TENM2: variants seen among roughly 807,000 people sequenced by gnomAD.
TENM2 encodes teneurin transmembrane protein 2.
A neutral mutation model predicts 245.2 loss-of-function variants in TENM2; 52 were observed. The ratio of observed to expected loss-of-function variants is 0.21; its 90% CI spans 0.17 to 0.27. TENM2 has a LOEUF of 0.27. TENM2 is among the 10% of genes least tolerant of loss of function. TENM2 has a pLI of 1.00. For missense variants in TENM2, 3,046 were observed against 3,666.8 expected (o/e 0.83, Z 4.37); for synonymous variants, 1,363 against 1,438.9 (o/e 0.95, Z 1.19).
intron 2 of TENM2, among the ~76,000 whole-genome samples, chr5:167,626,622 T>A (rs1270687322): frequency 6.6e-6 from 1 of 152,210 alleles, no homozygotes; most frequent in Non-Finnish European, 1.5e-5. Context: ...GGGAATTGTG[T>A]GCTTTTTTAA....
chr5:167,143,358 G>A, the TENM2 span, among the ~76,000 whole-genome samples: 1 of 152,116 alleles, frequency 6.6e-6, no homozygotes, highest in African/African-American at 2.4e-5. Context: ...GCAGTAGTGG[G>A]GATCATTAAT....
intron 2 of TENM2, among the ~76,000 whole-genome samples, chr5:167,528,583 G>A (rs1771276316): frequency 6.6e-6 from 1 of 152,120 alleles, no homozygotes; most frequent in African/African-American, 2.4e-5. Context: ...TAAGTGAGCT[G>A]GGATTCAAGT....
intron 25 of TENM2, among the ~76,000 whole-genome samples, chr5:168,243,219 A>G (rs978341695): frequency 7.9e-5 from 12 of 152,174 alleles, no homozygotes; most frequent in African/African-American, 2.9e-4. Context: ...GGCTAGCTGA[A>G]TCTCAGGAGC....
chr5:167,545,875 C>T (rs1439363383), intron 2 of TENM2, among the ~76,000 whole-genome samples: 2 of 152,192 alleles, frequency 1.3e-5, no homozygotes, highest in African/African-American at 2.4e-5. Flanking sequence ...ACAGGCCATA[C>T]ATACAAATGA....
intron 2 of TENM2, among the ~76,000 whole-genome samples, chr5:167,642,158 A>ATG (rs993607087): frequency 7.0e-6 from 1 of 143,030 alleles, no homozygotes; most frequent in African/African-American, 2.6e-5. Context: ...AAAAAAAAAT[A>ATG]TGTATATATA....
intron 2 of TENM2, among the ~76,000 whole-genome samples, chr5:167,512,959 C>T (rs186004695): frequency 6.6e-6 from 1 of 152,070 alleles, no homozygotes; most frequent in East Asian, 1.9e-4. Flanking sequence ...GATTAGTACA[C>T]GAATAAAGGA....
At chr5:167,976,743 A>T (rs1388206367) in intron 4 of TENM2, among the ~76,000 whole-genome samples, 2 of 152,220 alleles carry the variant, frequency 1.3e-5, no homozygotes, top group Non-Finnish European at 2.9e-5. Context: ...GTACATAAGT[A>T]CTGTTTATAA....
At position 167,442,141 on chromosome 5, in the gene TENM2, A is replaced by G. The variant is rs571677802; in HGVS notation, c.502+66668A>G. The stretch of plus-strand genomic sequence containing the variant: ...ACCCAGGCCCCTTCCTCCCCTTTCA[A>G]TGGGAAATTATTTTAATAAATTTTT... On this transcript the variant is annotated intron_variant, in intron 2 of 28. Transcript: ENST00000518659. Among the ~76,000 whole-genome samples the G allele has an allele frequency of 2.1e-4, 32 of 152,238 alleles. No individual in the cohort carries two copies. The South Asian group carries it at 2.9e-3, about 14-fold the overall frequency.
rs78002605 is a variant in TENM2, at chr5:167,289,768, A to G, written c.226+4705A>G. ...CTAGTAAGCTAGAGTATTACCTGCA[A>G]TGATTCAATTAACTTATATAATAAT... is the stretch of plus-strand genomic sequence containing the variant. On this transcript the variant is annotated intron_variant, in intron 1 of 28. Coordinates refer to ENST00000518659, the Ensembl canonical transcript of TENM2. Among the ~76,000 whole-genome samples, 946 of 152,350 alleles carry G rather than the reference A, an allele frequency of 6.2e-3. 9 individuals are homozygous for G. Among genetic ancestry groups the G allele is most frequent in the African/African-American group, 0.021 (873 of 41,576 alleles).
At chr5:167,893,633 G>GT (rs1422354654) in intron 3 of TENM2, among the ~76,000 whole-genome samples, 2,532 of 139,092 alleles carry the variant, frequency 0.018, 24 homozygotes, top group Middle Eastern at 0.048. Context: ...TTTTTTTGTT[G>GT]TTTTTTTTTT....
chr5:167,038,286 A>G, the TENM2 span, among the ~76,000 whole-genome samples: 1 of 152,172 alleles, frequency 6.6e-6, no homozygotes, highest in Admixed American at 6.5e-5. Context: ...TTTGTAACCT[A>G]TATCTGTTAT....
At chr5:167,907,524 A>AAT (rs56159044) in intron 3 of TENM2, among the ~76,000 whole-genome samples, 949 of 77,994 alleles carry the variant, frequency 0.012, 18 homozygotes, top group Non-Finnish European at 0.018. Context: ...GATCACCCTA[A>AAT]ATATATATAT....
intron 2 of TENM2, among the ~76,000 whole-genome samples, chr5:167,807,352 A>G (rs1469827735): frequency 6.6e-6 from 1 of 151,942 alleles, no homozygotes; most frequent in Non-Finnish European, 1.5e-5. Flanking sequence ...ACAGAGATGA[A>G]CATGCTAATA....
intron 2 of TENM2, among the ~76,000 whole-genome samples, chr5:167,860,562 AC>A (rs1244871285): frequency 2.3e-4 from 26 of 114,208 alleles, no homozygotes; most frequent in African/African-American, 9.2e-4. Flanking sequence ...CTCATTGAGA[AC>A]GGGCCAGGAT....
the TENM2 span, among the ~76,000 whole-genome samples, chr5:167,169,818 C>T: frequency 6.6e-6 from 1 of 152,136 alleles, no homozygotes; most frequent in Non-Finnish European, 1.5e-5. Flanking sequence ...TTGTTCCATG[C>T]ATTTGTTTGA....
chr5:167,558,665 A>C (rs1014701505), intron 2 of TENM2, among the ~76,000 whole-genome samples: 1 of 152,168 alleles, frequency 6.6e-6, no homozygotes, highest in Non-Finnish European at 1.5e-5. Flanking sequence ...CCCTGATGGG[A>C]CCATCTAGTT....
chr5:167,752,720 T>TAGTCAC (rs1762041924), intron 2 of TENM2, among the ~76,000 whole-genome samples: 1 of 152,230 alleles, frequency 6.6e-6, no homozygotes, highest in Non-Finnish European at 1.5e-5. Flanking sequence ...TGAGCGTGGC[T>TAGTCAC]AGTCACCTAA....
chr5:167,740,168 G>C (rs190765084), intron 2 of TENM2, among the ~76,000 whole-genome samples: 66 of 152,252 alleles, frequency 4.3e-4, no homozygotes, highest in Middle Eastern at 3.4e-3. Flanking sequence ...CTTTGCCCAA[G>C]AAATCACCTC....
chr5:167,834,897 G>A (rs752026534), intron 2 of TENM2, among the ~76,000 whole-genome samples: 16 of 152,034 alleles, frequency 1.1e-4, no homozygotes, highest in South Asian at 2.1e-4. Context: ...TGATCCGCCC[G>A]CCTCGGCCTC....
Sources: allele counts gnomAD v4.1 joint callset (sites outside exome capture counted in the v4.1 genomes callset), GRCh38; gene constraint gnomAD v4.1.1; transcripts MANE v1.5; gene names NCBI Gene and HGNC (gene_info 2026-07-23, HGNC 2026-07-21).